Variants in KLHL28 observed in about 807,000 individuals in gnomAD.
KLHL28 encodes kelch-like protein 28.
Under a neutral mutation model 48.3 loss-of-function variants are expected in KLHL28, and 22 were observed. That is an observed-to-expected ratio of 0.46 (90% CI 0.33 to 0.65). The LOEUF is 0.65. Ranked by LOEUF, KLHL28 falls within the 30% of genes least tolerant of loss-of-function variation. The pLI, the probability that KLHL28 is intolerant of heterozygous loss-of-function variation, is 0.03. For synonymous variants in KLHL28, 243 were observed against 242.4 expected (o/e 1.00, Z -0.02); for missense variants, 527 against 704.3 (o/e 0.75, Z 2.85).
rs1884298507 is a variant in KLHL28 at position 44,945,621 on chromosome 14, T to C, written c.308A>G (p.Asp103Gly). 1 of 1,614,146 alleles carries C rather than the reference T, an allele frequency of 6.2e-7. No homozygotes were observed. Among genetic ancestry groups the C allele is most frequent in the Non-Finnish European group, 8.5e-7 (1 of 1,180,028 alleles). The change falls in exon 2 of 5, where the codon GAC becomes GGC. Residue 103 changes from aspartate to glycine, a missense_variant. Asp to Gly is a moderately conservative substitution (Grantham distance 94, BLOSUM62 -1). Coordinates refer to ENST00000396128, the MANE Select transcript of KLHL28 (RefSeq NM_017658.5). ...TGCTGGCAGGAGAGATTCAACTGTGTCCTGAGAAATAAAAACAGTCCCTGT... is the reference window on the plus strand; with the variant it reads ...TGCTGGCAGGAGAGATTCAACTGTGCCCTGAGAAATAAAAACAGTCCCTGT... ...AYTGTVFISQ[D>G]TVESLLPAAN...
rs1408867907 is a variant in KLHL28, at chr14:44,944,485, T to C, written c.899+545A>G. On this transcript the variant is annotated intron_variant, in intron 2 of 4. Transcript: ENST00000396128. ...ATCTAAGTTATTGGGGGGAAAAACA[T>C]ATTTCTTAATGCTGTCTTTTAAAAA... Among the ~76,000 whole-genome samples, 3 of 152,138 alleles carry C rather than the reference T, an allele frequency of 2.0e-5. No individual in the cohort carries two copies. In the East Asian group the frequency reaches 5.8e-4, roughly 29 times the overall value.
intron 1 of KLHL28, among the ~76,000 whole-genome samples, chr14:44,951,832 C>T (rs1884594737): frequency 1.3e-5 from 2 of 152,104 alleles, no homozygotes; most frequent in Non-Finnish European, 2.9e-5. Context: ...AGCAGTTTTC[C>T]ATAACATAAT....
At chr14:44,950,544 C>G (rs994271144) in intron 1 of KLHL28, among the ~76,000 whole-genome samples, 1 of 152,114 alleles carries the variant, frequency 6.6e-6, no homozygotes, top group African/African-American at 2.4e-5. Context: ...CATGTATGTA[C>G]ACACACAACA....
intron 2 of KLHL28, among the ~76,000 whole-genome samples, chr14:44,941,643 A>G (rs1436670351): frequency 6.7e-6 from 1 of 149,174 alleles, no homozygotes; most frequent in East Asian, 2.0e-4. Context: ...AAAAAAAAAA[A>G]AAGAAAAAGA....
intron 2 of KLHL28, among the ~76,000 whole-genome samples, chr14:44,934,950 G>C (rs1029481944): frequency 1.3e-5 from 2 of 152,076 alleles, no homozygotes; most frequent in African/African-American, 4.8e-5. Flanking sequence ...TCCACCAAAA[G>C]AATGGTTAAA....
chr14:44,929,080 T>C lies in KLHL28; in HGVS notation c.1664A>G (p.Asp555Gly). ...KYDPISDTWL[D>G]SAGMIYCRCN... ...GCGACAGTATATCATGCCAGCTGAA[T>C]CCAGCCACGTATCTGAGATAGGATC... Residue 555 changes from aspartate (D) to glycine (G), a missense_variant, in exon 5 of 5, where the codon GAT becomes GGT. Coordinates refer to ENST00000396128, the MANE Select transcript of KLHL28 (RefSeq NM_017658.5). 6.2e-7 allele frequency: 1 copy of C among 1,613,960 alleles called. No individual in the cohort carries two copies. The highest frequency in any genetic ancestry group is 1.7e-5 in the Admixed American group (1 of 60,004).
chr14:44,925,683 T>C lies in KLHL28; in HGVS notation c.*3345A>G, dbSNP rs1187007857. 1 of 152,146 alleles carries C rather than the reference T, an allele frequency of 6.6e-6. No individual in the cohort carries two copies. Among genetic ancestry groups the C allele is most frequent in the Admixed American group, 6.5e-5 (1 of 15,274 alleles). 9.4% of individuals were successfully genotyped at this position (152,146 alleles called of 1,614,324 possible). A position where few individuals can be genotyped will look rare whatever the true frequency, so the allele number is the denominator to read the frequency against. The stretch of plus-strand genomic sequence containing the variant: ...AGCAAACCCTCCATATGTGTTAAAT[T>C]ATCAAAATAAAATTTCAAAACCTAA... On this transcript the variant is annotated 3_prime_UTR_variant, in exon 5 of 5. Coordinates refer to ENST00000396128, the MANE Select transcript of KLHL28 (RefSeq NM_017658.5).
chr14:44,933,243 TACTC>T (rs1483547915), intron 3 of KLHL28, among the ~76,000 whole-genome samples: 1 of 152,046 alleles, frequency 6.6e-6, no homozygotes, highest in African/African-American at 2.4e-5. Flanking sequence ...GTCATTAAAA[TACTC>T]ACAATCAAAA....
At chr14:44,956,696 T>C (rs1293382131) in intron 1 of KLHL28, among the ~76,000 whole-genome samples, 1 of 152,248 alleles carries the variant, frequency 6.6e-6, no homozygotes, top group African/African-American at 2.4e-5. Flanking sequence ...ATACAACCTG[T>C]GAACCATAGA....
At chr14:44,948,967 G>A (rs1474304545) in intron 1 of KLHL28, among the ~76,000 whole-genome samples, 1 of 152,016 alleles carries the variant, frequency 6.6e-6, no homozygotes, top group East Asian at 1.9e-4. Flanking sequence ...CAAGGAGAAT[G>A]GTAGACTAAA....
At chr14:44,939,455 C>T (rs1301624074) in intron 2 of KLHL28, among the ~76,000 whole-genome samples, 1 of 152,206 alleles carries the variant, frequency 6.6e-6, no homozygotes, top group Non-Finnish European at 1.5e-5. Flanking sequence ...CCAAGTCTTT[C>T]TGTTCCGCTT....
At chr14:44,937,759 C>T (rs904002917) in intron 2 of KLHL28, among the ~76,000 whole-genome samples, 1 of 152,158 alleles carries the variant, frequency 6.6e-6, no homozygotes, top group African/African-American at 2.4e-5. Flanking sequence ...ATGGTGCTAG[C>T]ATCTGGGAAG....
In KLHL28 at chr14:44,926,448, GATAC is replaced by G. The variant is rs1883373814; in HGVS notation, c.*2576_*2579del. 6.6e-6 allele frequency: 1 copy of G among 151,962 alleles called. No individual in the cohort carries two copies. The highest frequency in any genetic ancestry group is 1.5e-5 in the Non-Finnish European group (1 of 67,990). The allele number at this position is 151,962 out of a possible 1,614,324, so 9.4% of individuals were successfully genotyped here. A position where few individuals can be genotyped will look rare whatever the true frequency, so the allele number is the denominator to read the frequency against. ...TATACACTAATTTGATAGTGGAGAT[GATAC>G]ATGAGTAAAATATTGTTAAAATACA... On this transcript the variant is annotated 3_prime_UTR_variant, in exon 5 of 5. Coordinates refer to ENST00000396128, the MANE Select transcript of KLHL28 (RefSeq NM_017658.5).
intron 1 of KLHL28, among the ~76,000 whole-genome samples, chr14:44,953,146 T>C (rs1884658066): frequency 6.6e-6 from 1 of 152,136 alleles, no homozygotes; most frequent in Admixed American, 6.6e-5. Context: ...TAAAAGTAGA[T>C]CATTTAGATA....
intron 1 of KLHL28, among the ~76,000 whole-genome samples, chr14:44,957,141 G>C (rs770867494): frequency 6.6e-6 from 1 of 152,118 alleles, no homozygotes; most frequent in Non-Finnish European, 1.5e-5. Flanking sequence ...AATATTTGTA[G>C]ATGAAATAAT....
intron 1 of KLHL28, among the ~76,000 whole-genome samples, chr14:44,949,502 T>G (rs1270653935): frequency 6.6e-6 from 1 of 152,076 alleles, no homozygotes; most frequent in Non-Finnish European, 1.5e-5. Context: ...CAGCAACTAG[T>G]GGAACAAATA....
chr14:44,961,082 G>A (rs1185223293), intron 1 of KLHL28: 3 of 447,900 alleles, frequency 6.7e-6, no homozygotes, highest in Non-Finnish European at 1.2e-5. Context: ...GTCCGTTTAA[G>A]TATCACTTAT....
rs1885124883 is a variant in KLHL28 at position 44,961,846 on chromosome 14, C to T, written c.-1G>A. On this transcript the variant is annotated splice_region_variant and 5_prime_UTR_variant, in exon 1 of 5. Transcript: ENST00000396128. Reference sequence around the variant, plus strand: ...CTGGAGGACAGCAAAAGGAAAATACCTGAGTCTCAGTAATCACACGGGCAG... The same window carrying T: ...CTGGAGGACAGCAAAAGGAAAATACTTGAGTCTCAGTAATCACACGGGCAG... The T allele has an allele frequency of 6.6e-6, 1 of 152,666 alleles. No homozygotes were observed. The highest frequency in any genetic ancestry group is 2.1e-4 in the South Asian group (1 of 4,870). The allele number at this position is 152,666 out of a possible 1,614,324, so 9.5% of individuals were successfully genotyped here. A position where few individuals can be genotyped will look rare whatever the true frequency, so the allele number is the denominator to read the frequency against.
intron 1 of KLHL28, among the ~76,000 whole-genome samples, chr14:44,955,658 T>C (rs1710616591): frequency 6.6e-6 from 1 of 152,154 alleles, no homozygotes; most frequent in African/African-American, 2.4e-5. Context: ...TGGTGGCACA[T>C]GCCTGTAGTC....
Sources: allele counts gnomAD v4.1 joint callset (sites outside exome capture counted in the v4.1 genomes callset), GRCh38; gene constraint gnomAD v4.1.1; transcripts MANE v1.5; gene names NCBI Gene and HGNC (gene_info 2026-07-23, HGNC 2026-07-21).